Variants in ASAP3 observed in about 807,000 individuals in gnomAD.
ASAP3 encodes ArfGAP with SH3 domain, ankyrin repeat and PH domain 3.
ASAP3 carries 85 observed loss-of-function variants against 118.2 expected under a neutral mutation model. That is an observed-to-expected ratio of 0.72 (90% confidence interval 0.60 to 0.86). ASAP3 has a LOEUF of 0.86. Among genes scored for constraint, ASAP3 ranks in the 40% least tolerant of loss-of-function variants. The probability of loss-of-function intolerance (pLI) is 0.00; values close to 1 mark genes in which losing one functional copy is unlikely to be tolerated. For synonymous variants in ASAP3, 432 were observed against 477.4 expected, an observed-to-expected ratio of 0.90 and a Z score of 1.24; for missense variants, 1,026 against 1,175.0, an observed-to-expected ratio of 0.87 and a Z score of 1.85.
rs577337477 is a variant in ASAP3, at chr1:23,441,230, A to C, written c.835-19T>G. On this transcript the variant is annotated intron_variant, in intron 9 of 24. Transcript: ENST00000336689. Reference sequence around the variant, plus strand: ...GGTGTTCCTGTCCCTCGGACATGCAAAGGAGACCTCAGGGCATCTCAGTGG... The same window carrying C: ...GGTGTTCCTGTCCCTCGGACATGCACAGGAGACCTCAGGGCATCTCAGTGG... 1.6e-5 allele frequency: 26 copies of C among 1,613,594 alleles called. No individual in the cohort carries two copies. The highest frequency in any genetic ancestry group is 5.0e-5 in the Admixed American group (3 of 59,994).
At chr1:23,443,783 T>C (rs1023598060) in intron 5 of ASAP3, among the ~76,000 whole-genome samples, 30 of 151,498 alleles carry the variant, frequency 2.0e-4, no homozygotes, top group Non-Finnish European at 4.0e-4. Context: ...TGCAACGGCA[T>C]GATCTTGGCT....
At position 23,473,974 on chromosome 1, in the gene ASAP3, C is replaced by CTTTTTTTTTTTTTTTTTTTTTTTTT. The variant is rs10664798; in HGVS notation, c.129+10030_129+10031insAAAAAAAAAAAAAAAAAAAAAAAAA. On this transcript the variant is annotated intron_variant, in intron 1 of 24. Transcript: ENST00000336689. The stretch of plus-strand genomic sequence containing the variant: ...AGGCGAAAATGGCATTAAATCTGCT[C>CTTTTTTTTTTTTTTTTTTTTTTTTT]TTTTTTTTTTTTTTTTTTTTTTTTG... Among the ~76,000 whole-genome samples the CTTTTTTTTTTTTTTTTTTTTTTTTT allele has an allele frequency of 6.9e-5, 5 of 72,108 alleles. 1 individual carries two copies. The highest frequency in any genetic ancestry group is 2.7e-4 in the African/African-American group (4 of 14,716). 47.3% of individuals were successfully genotyped at this position (72,108 alleles called of 152,430 possible). A position where few individuals can be genotyped will look rare whatever the true frequency, so the allele number is the denominator to read the frequency against.
In ASAP3 at chr1:23,429,791, G is replaced by A; in HGVS notation, c.*65C>T. 6.6e-7 allele frequency: 1 copy of A among 1,511,208 alleles called. No homozygotes were observed. The highest frequency in any genetic ancestry group is 1.9e-4 in the Middle Eastern group (1 of 5,230). 93.6% of individuals were successfully genotyped at this position (1,511,208 alleles called of 1,614,324 possible). ...ACAAATGTCTCAGCTCCCCAGTTTT[G>A]TGAGCTCAAGTCCCAGCTCTGAACA... On this transcript the variant is annotated 3_prime_UTR_variant, in exon 25 of 25. Transcript: ENST00000336689.
chr1:23,459,179 A>G (rs1183456339), intron 1 of ASAP3, among the ~76,000 whole-genome samples: 1 of 151,546 alleles, frequency 6.6e-6, no homozygotes, highest in East Asian at 1.9e-4. Context: ...TCAAAAAAAA[A>G]AAAAAAAAAA....
intron 17 of ASAP3, among the ~76,000 whole-genome samples, chr1:23,435,468 A>G (rs1640603671): frequency 6.6e-6 from 1 of 152,224 alleles, no homozygotes; most frequent in Non-Finnish European, 1.5e-5. Context: ...CTCTAAACTG[A>G]CATGCCCTTA....
intron 1 of ASAP3, among the ~76,000 whole-genome samples, chr1:23,462,453 A>G (rs1372812187): frequency 6.6e-6 from 1 of 151,992 alleles, no homozygotes; most frequent in African/African-American, 2.4e-5. Flanking sequence ...TTAGTTATTG[A>G]GTGCCCACTA....
intron 1 of ASAP3, among the ~76,000 whole-genome samples, chr1:23,474,465 T>C (rs980382006): frequency 6.6e-6 from 1 of 152,170 alleles, no homozygotes; most frequent in Non-Finnish European, 1.5e-5. Context: ...CTTGGTCTCC[T>C]TTATTAATTC....
At chr1:23,453,923 T>C (rs564162267) in intron 3 of ASAP3, among the ~76,000 whole-genome samples, 5 of 152,252 alleles carry the variant, frequency 3.3e-5, no homozygotes, top group Admixed American at 3.3e-4. Context: ...CCTGGTACAA[T>C]GTCCACTAGA....
In ASAP3 at chr1:23,431,900, C is replaced by G; in HGVS notation, c.2342G>C (p.Ser781Thr). Residue 781 changes from serine (S) to threonine (T), a missense_variant, in exon 23 of 25, where the codon AGC becomes ACC. Ser to Thr is a moderately conservative substitution (Grantham distance 58). Transcript: ENST00000336689. ...HASGDRSEVSSLSSEAPETPE... is the reference protein window; with the variant it reads ...HASGDRSEVSTLSSEAPETPE... ...GGTCTCAGGGGCCTCTGAACTCAGG[C>G]TGGAGACTTCAGAACGATCTGGAAT... 6.2e-7 allele frequency: 1 copy of G among 1,612,984 alleles called. No individual in the cohort carries two copies. Among genetic ancestry groups the G allele is most frequent in the Non-Finnish European group, 8.5e-7 (1 of 1,179,786 alleles).
At chr1:23,444,069 A>G (rs1350204135) in intron 5 of ASAP3, among the ~76,000 whole-genome samples, 1 of 151,906 alleles carries the variant, frequency 6.6e-6, no homozygotes, top group Admixed American at 6.6e-5. Context: ...GAGTTTCACC[A>G]TGTTGGCCAG....
In ASAP3 at chr1:23,473,974, C is replaced by CTTTTTTT. The variant is rs10664798; in HGVS notation, c.129+10024_129+10030dup. ...AGGCGAAAATGGCATTAAATCTGCT[C>CTTTTTTT]TTTTTTTTTTTTTTTTTTTTTTTTG... On this transcript the variant is annotated intron_variant, in intron 1 of 24. Transcript: ENST00000336689. Among the ~76,000 whole-genome samples, 51 of 72,084 alleles carry CTTTTTTT rather than the reference C, an allele frequency of 7.1e-4. 2 individuals carry two copies. The highest frequency in any genetic ancestry group is 1.6e-3 in the East Asian group (3 of 1,910). 47.3% of individuals were successfully genotyped at this position (72,084 alleles called of 152,430 possible).
At chr1:23,475,000 G>A (rs1570412666) in intron 1 of ASAP3, among the ~76,000 whole-genome samples, 2 of 152,228 alleles carry the variant, frequency 1.3e-5, no homozygotes, top group South Asian at 4.1e-4. Context: ...CCACAAGCTG[G>A]CAAACTTGCT....
At chr1:23,470,989 T>C (rs1476968286) in intron 1 of ASAP3, among the ~76,000 whole-genome samples, 1 of 152,220 alleles carries the variant, frequency 6.6e-6, no homozygotes, top group Non-Finnish European at 1.5e-5. Context: ...CCTCAAGCCC[T>C]GAATTCCACC....
intron 1 of ASAP3, among the ~76,000 whole-genome samples, chr1:23,458,713 A>G (rs968271330): frequency 2.6e-5 from 4 of 152,110 alleles, no homozygotes; most frequent in African/African-American, 9.7e-5. Flanking sequence ...AAAAAAAAAA[A>G]GAGGCAAGAA....
chr1:23,462,583 A>G (rs1361413625), intron 1 of ASAP3, among the ~76,000 whole-genome samples: 1 of 151,242 alleles, frequency 6.6e-6, no homozygotes, highest in Non-Finnish European at 1.5e-5. Context: ...ATCCTGGCTA[A>G]CACGTCTCTA....
chr1:23,465,629 G>C (rs1002308476), intron 1 of ASAP3, among the ~76,000 whole-genome samples: 1 of 151,970 alleles, frequency 6.6e-6, no homozygotes, highest in Non-Finnish European at 1.5e-5. Flanking sequence ...AGCCTCCTGA[G>C]TAGCTGGGTT....
At chr1:23,453,511 G>T (rs1030554932) in intron 3 of ASAP3, among the ~76,000 whole-genome samples, 4 of 152,194 alleles carry the variant, frequency 2.6e-5, no homozygotes, top group Admixed American at 6.5e-5. Context: ...CAGAGACAGA[G>T]AAACTACCTT....
chr1:23,440,114 C>A (rs1640809073), intron 10 of ASAP3, among the ~76,000 whole-genome samples: 1 of 149,022 alleles, frequency 6.7e-6, no homozygotes, highest in Admixed American at 6.7e-5. Context: ...CTGCACCTGG[C>A]CCACAGACTG....
At chr1:23,482,642 C>T (rs1382041831) in intron 1 of ASAP3, among the ~76,000 whole-genome samples, 2 of 152,116 alleles carry the variant, frequency 1.3e-5, no homozygotes, top group African/African-American at 4.8e-5. Context: ...AACTGCAGAG[C>T]CAGCGTTTGA....
Sources: allele counts gnomAD v4.1 joint callset (sites outside exome capture counted in the v4.1 genomes callset), GRCh38; gene constraint gnomAD v4.1.1; transcripts MANE v1.5; gene names NCBI Gene and HGNC (gene_info 2026-07-23, HGNC 2026-07-21).